Variants in DSCAML1 observed in about 807,000 individuals in gnomAD.
The protein encoded by DSCAML1 is DS cell adhesion molecule like 1.
A neutral mutation model predicts 200.5 loss-of-function variants in DSCAML1; 38 were observed. The ratio of observed to expected loss-of-function variants is 0.19; its 90% CI spans 0.15 to 0.25. DSCAML1 has a LOEUF of 0.25. Ranked by LOEUF, DSCAML1 falls within the 10% of genes least tolerant of loss-of-function variation. DSCAML1 has a pLI of 1.00. For synonymous variants in DSCAML1, 1,215 were observed against 1,165.0 expected, an observed-to-expected ratio of 1.04 and a Z score of -0.87; for missense variants, 2,223 against 2,858.8, an observed-to-expected ratio of 0.78 and a Z score of 5.07.
chr11:117,778,933 A>G (rs1173798455), intron 2 of DSCAML1, among the ~76,000 whole-genome samples: 1 of 152,238 alleles, frequency 6.6e-6, no homozygotes, highest in Non-Finnish European at 1.5e-5. Context: ...GTGTTCTAAG[A>G]GCTCATGGTC....
intron 3 of DSCAML1, among the ~76,000 whole-genome samples, chr11:117,550,068 C>G (rs1048072870): frequency 6.6e-6 from 1 of 152,174 alleles, no homozygotes; most frequent in African/African-American, 2.4e-5. Context: ...TTTCTTGCTA[C>G]CCCTAGCTCA....
intron 7 of DSCAML1, among the ~76,000 whole-genome samples, chr11:117,517,023 G>A (rs762858743): frequency 8.5e-5 from 13 of 152,256 alleles, no homozygotes; most frequent in Middle Eastern, 3.4e-3. Flanking sequence ...CATTCCCCTC[G>A]TGGGACAGGG....
chr11:117,647,508 G>C (rs951290243), intron 3 of DSCAML1, among the ~76,000 whole-genome samples: 2 of 152,212 alleles, frequency 1.3e-5, no homozygotes, highest in Non-Finnish European at 2.9e-5. Flanking sequence ...CTAGGTGTGA[G>C]CCACAGGTCA....
At chr11:117,695,647 G>C (rs896147418) in intron 3 of DSCAML1, among the ~76,000 whole-genome samples, 7 of 152,164 alleles carry the variant, frequency 4.6e-5, no homozygotes, top group African/African-American at 1.4e-4. Flanking sequence ...AATTCCAAAT[G>C]CTACAGTTTT....
chr11:117,477,524 C>G (rs148234970), intron 14 of DSCAML1, among the ~76,000 whole-genome samples: 152 of 152,170 alleles, frequency 1.0e-3, no homozygotes, highest in African/African-American at 3.6e-3. Context: ...AATTGGCACT[C>G]AGTACATGTG....
intron 3 of DSCAML1, among the ~76,000 whole-genome samples, chr11:117,734,362 T>A (rs2054281824): frequency 6.6e-6 from 1 of 152,158 alleles, no homozygotes; most frequent in Non-Finnish European, 1.5e-5. Flanking sequence ...TAGAGCCATC[T>A]TCAGTCTCCG....
chr11:117,458,568 A>G (rs1011736858), intron 19 of DSCAML1, among the ~76,000 whole-genome samples, 186 bp downstream of exon 19: 5 of 151,932 alleles, frequency 3.3e-5, no homozygotes, highest in South Asian at 4.1e-4. Context: ...GGAGGTTCAC[A>G]GTTGCTTATC....
At chr11:117,651,390 A>G (rs1844299987) in intron 3 of DSCAML1, among the ~76,000 whole-genome samples, 3 of 152,288 alleles carry the variant, frequency 2.0e-5, no homozygotes, top group African/African-American at 7.2e-5. Flanking sequence ...CCCTGGCTAC[A>G]TCTCCAGCAA....
rs539133584 is a variant in DSCAML1 at position 117,602,042 on chromosome 11, A to G, written c.512-69520T>C. On this transcript the variant is annotated intron_variant, in intron 3 of 32. Coordinates refer to ENST00000651296, the MANE Select transcript of DSCAML1 (RefSeq NM_020693.4). ...TGAGGCCATGAACCTGCAAAGCCCA[A>G]GCTTGTTTCTCTTGGCATTGCATGT... Among the ~76,000 whole-genome samples, 22 of 152,360 alleles carry G rather than the reference A, an allele frequency of 1.4e-4. 1 individual carries two copies. In the South Asian group the frequency reaches 4.3e-3, roughly 30 times the overall value.
Position 117,793,120 on chromosome 11 carries a change from T to C in DSCAML1, c.46+3914A>G, listed in dbSNP as rs577166873. On this transcript the variant is annotated intron_variant, in intron 1 of 32. Transcript: ENST00000651296. The stretch of plus-strand genomic sequence containing the variant: ...TGCTACTCACAGAGGGCACAGCTTT[T>C]GGCCTGGCTAGGTGAGCATGCAAAT... Among the ~76,000 whole-genome samples the C allele has an allele frequency of 5.9e-5, 9 of 152,346 alleles. No individual in the cohort carries two copies. The East Asian group carries it at 9.6e-4, about 16-fold the overall frequency.
intron 3 of DSCAML1, among the ~76,000 whole-genome samples, chr11:117,716,493 G>A (rs998649939): frequency 1.3e-5 from 2 of 152,176 alleles, no homozygotes; most frequent in Non-Finnish European, 2.9e-5. Context: ...GAGACACACT[G>A]TAGCCATGAG....
intron 3 of DSCAML1, among the ~76,000 whole-genome samples, chr11:117,740,576 C>T (rs984758045): frequency 5.9e-5 from 9 of 152,224 alleles, no homozygotes; most frequent in Non-Finnish European, 7.4e-5. Context: ...CCCTGGCCCC[C>T]GTCAGCAGAC....
At chr11:117,649,483 A>G (rs547432872) in intron 3 of DSCAML1, among the ~76,000 whole-genome samples, 104 of 152,244 alleles carry the variant, frequency 6.8e-4, no homozygotes, top group Admixed American at 1.4e-3. Flanking sequence ...TGCAGGTGCC[A>G]AAGTTCAAAA....
chr11:117,474,457 C>T (rs1592634249), intron 14 of DSCAML1, among the ~76,000 whole-genome samples: 2 of 152,304 alleles, frequency 1.3e-5, no homozygotes, highest in East Asian at 3.9e-4. Flanking sequence ...TTTCCCCAAC[C>T]ATGCATTCTA....
At chr11:117,523,565 C>A (rs963868001) in intron 5 of DSCAML1, among the ~76,000 whole-genome samples, 1 of 152,140 alleles carries the variant, frequency 6.6e-6, no homozygotes, top group Non-Finnish European at 1.5e-5. Flanking sequence ...TGTGTTGGGG[C>A]GCTCTTCCAG....
At chr11:117,557,337 A>G (rs1259544435) in intron 3 of DSCAML1, among the ~76,000 whole-genome samples, 1 of 152,120 alleles carries the variant, frequency 6.6e-6, no homozygotes, top group Non-Finnish European at 1.5e-5. Context: ...CTGAAGCCCT[A>G]AGGTGCAGGA....
Position 117,776,890 on chromosome 11 carries a change from G to C in DSCAML1, c.412C>G (p.Arg138Gly). ...TVRVEDQRSM[R>G]GNVAVFKCLI... Reference sequence around the variant, plus strand: ...CACTTGAAGACGGCCACGTTGCCACGCATTGACCTTTGATCCTCCACCCGG... The same window carrying C: ...CACTTGAAGACGGCCACGTTGCCACCCATTGACCTTTGATCCTCCACCCGG... Residue 138 changes from arginine to glycine, a missense_variant, in exon 3 of 33, where the codon CGT (arginine) becomes GGT (glycine). Around this residue, in one of 7 missense-constraint regions of DSCAML1, gnomAD observed 579 missense variants for 721.5 expected, o/e 0.80. Transcript: ENST00000651296. The C allele has an allele frequency of 6.2e-7, 1 of 1,614,130 alleles. No individual in the cohort carries two copies. The highest frequency in any genetic ancestry group is 1.3e-5 in the African/African-American group (1 of 75,026).
chr11:117,726,629 C>A (rs1387020994), intron 3 of DSCAML1, among the ~76,000 whole-genome samples: 5 of 151,990 alleles, frequency 3.3e-5, no homozygotes, highest in African/African-American at 4.8e-5. Context: ...CCAAGCAAGA[C>A]CTCCACTCTT....
intron 3 of DSCAML1, among the ~76,000 whole-genome samples, chr11:117,734,219 G>A (rs2054278705): frequency 6.6e-6 from 1 of 152,220 alleles, no homozygotes; most frequent in Non-Finnish European, 1.5e-5. Flanking sequence ...TGACCTCACT[G>A]CTGGGACACT....
Sources: gnomAD v4.1 joint callset for allele counts (sites outside exome capture counted in the v4.1 genomes callset) on GRCh38, gnomAD v4.1.1 for gene constraint, gnomAD v4.1.1 regional missense constraint, MANE v1.5 for transcripts, NCBI Gene and HGNC (gene_info 2026-07-23, HGNC 2026-07-21) for gene names.